Variants in RHOU observed in about 807,000 individuals in gnomAD.
RHOU encodes the protein ras homolog family member U, also known as rho-related GTP-binding protein RhoU.
In RHOU, 8 loss-of-function variants were observed where a neutral mutation model predicts 12.6. The ratio of observed to expected loss-of-function variants is 0.64; its 90% CI spans 0.37 to 1.15. The LOEUF is 1.15. Among genes scored for constraint, RHOU ranks in the 50% most tolerant of loss-of-function variants. The pLI is 0.01. For missense variants in RHOU, 258 were observed against 347.0 expected (o/e 0.74, Z 2.04); for synonymous variants, 161 against 147.4 (o/e 1.09, Z -0.67).
chr1:228,725,473 C>T, the RHOU span, among the ~76,000 whole-genome samples: 3 of 152,092 alleles, frequency 2.0e-5, no homozygotes, highest in Non-Finnish European at 2.9e-5. Context: ...CAACCCTGAG[C>T]ATCTCCCTTG....
chr1:228,717,794 T>C, the RHOU span, among the ~76,000 whole-genome samples: 1 of 152,204 alleles, frequency 6.6e-6, no homozygotes. Flanking sequence ...AGTTATGTGT[T>C]TCTGGACACA....
At chr1:228,693,931 A>G in the RHOU span, among the ~76,000 whole-genome samples, 3 of 152,350 alleles carry the variant, frequency 2.0e-5, no homozygotes, top group Non-Finnish European at 4.4e-5. Context: ...GAAAGAACAA[A>G]CTTTTCTATC....
the RHOU span, among the ~76,000 whole-genome samples, chr1:228,721,578 G>T: frequency 3.3e-5 from 5 of 152,200 alleles, no homozygotes; most frequent in African/African-American, 4.8e-5. Context: ...GATCCAGTGG[G>T]TGTGCTGGAC....
In RHOU at chr1:228,737,548, A is replaced by C; in HGVS notation, c.263-125A>C. The C allele has an allele frequency of 1.1e-6, 1 of 937,708 alleles. No individual in the cohort carries two copies. The highest frequency in any genetic ancestry group is 1.7e-6 in the Non-Finnish European group (1 of 589,764). 58.1% of individuals were successfully genotyped at this position (937,708 alleles called of 1,614,324 possible). On this transcript the variant is annotated intron_variant, in intron 1 of 2. Coordinates refer to ENST00000366691, the MANE Select transcript of RHOU (RefSeq NM_021205.6). The surrounding 1 kb of genome is among the most constrained non-coding windows in gnomAD (Gnocchi z 4.1). ...CTTGTTTTTGGCTAGTCTTTAATTC[A>C]TTAGAGGACCTAAAATAGGAGCAAA...
At chr1:228,673,902 T>C in the RHOU span, among the ~76,000 whole-genome samples, 1 of 152,264 alleles carries the variant, frequency 6.6e-6, no homozygotes, top group Non-Finnish European at 1.5e-5. Flanking sequence ...TGAGCGTATC[T>C]AGTGCTACAG....
At chr1:228,646,836 A>G in the RHOU span, among the ~76,000 whole-genome samples, 1 of 151,814 alleles carries the variant, frequency 6.6e-6, no homozygotes, top group African/African-American at 2.4e-5. Context: ...ACAGACACAC[A>G]CGGCTTGAAG....
At chr1:228,648,292 C>T in the RHOU span, among the ~76,000 whole-genome samples, 1 of 152,232 alleles carries the variant, frequency 6.6e-6, no homozygotes, top group Non-Finnish European at 1.5e-5. Flanking sequence ...ACCCTGTTTC[C>T]TCGCGGGAGT....
At chr1:228,732,452 T>C (rs1488845963), upstream of RHOU, among the ~76,000 whole-genome samples, 1 of 151,664 alleles carries the variant, frequency 6.6e-6, no homozygotes, top group African/African-American at 2.4e-5. Flanking sequence ...CAGTTCAACG[T>C]AAAAAGGGGT....
chr1:228,737,781 A>G lies in RHOU; in HGVS notation c.321+50A>G. ...GCTGGGAAAGGAAACAGCCTTTTAA[A>G]GATTTCCAAATAACCTTTGATTCCC... On this transcript the variant is annotated intron_variant, in intron 2 of 2. Coordinates refer to ENST00000366691, the MANE Select transcript of RHOU (RefSeq NM_021205.6). The surrounding 1 kb of genome is among the most constrained non-coding windows in gnomAD (Gnocchi z 4.1). 6.3e-7 allele frequency: 1 copy of G among 1,584,454 alleles called. No homozygotes were observed. Among genetic ancestry groups the G allele is most frequent in the Non-Finnish European group, 8.7e-7 (1 of 1,153,130 alleles).
At chr1:228,651,835 G>A in the RHOU span, among the ~76,000 whole-genome samples, 1 of 152,202 alleles carries the variant, frequency 6.6e-6, no homozygotes, top group Non-Finnish European at 1.5e-5. Flanking sequence ...GTTGCTTCAG[G>A]AAATAAGCTG....
upstream of RHOU, among the ~76,000 whole-genome samples, chr1:228,732,150 T>A (rs1229342244): frequency 6.6e-6 from 1 of 152,224 alleles, no homozygotes; most frequent in African/African-American, 2.4e-5. Flanking sequence ...AAACATGTTT[T>A]CCTTTCACTT....
the RHOU span, among the ~76,000 whole-genome samples, chr1:228,694,554 T>A: frequency 7.6e-4 from 116 of 152,286 alleles, no homozygotes; most frequent in Non-Finnish European, 1.2e-3. Context: ...CTCCCACTTA[T>A]AAGTAAGAAC....
At chr1:228,687,181 C>A in the RHOU span, among the ~76,000 whole-genome samples, 2 of 152,070 alleles carry the variant, frequency 1.3e-5, no homozygotes, top group Non-Finnish European at 2.9e-5. Context: ...CTGGCCCGCT[C>A]CACTGACCGG....
At chr1:228,721,682 C>T in the RHOU span, among the ~76,000 whole-genome samples, 6 of 152,282 alleles carry the variant, frequency 3.9e-5, no homozygotes, top group African/African-American at 7.2e-5. Context: ...TGTCTTGAGA[C>T]GGAGTTTCGC....
In RHOU at chr1:228,735,798, T is replaced by C; in HGVS notation, c.56T>C (p.Val19Ala). Residue 19 changes from valine (V) to alanine (A), a missense_variant, in exon 1 of 3, where the codon GTG becomes GCG. Coordinates refer to ENST00000366691, the MANE Select transcript of RHOU (RefSeq NM_021205.6). The surrounding 1 kb of genome is among the most constrained non-coding windows in gnomAD (Gnocchi z 8.1). ...AFPDRCEAPP[V>A]PPRRERGGRG... The stretch of plus-strand genomic sequence containing the variant: ...CCCGACCGCTGCGAGGCGCCTCCGG[T>C]GCCGCCGCGTCGGGAGCGCGGTGGA... The C allele has an allele frequency of 8.2e-7, 1 of 1,217,722 alleles. No individual in the cohort carries two copies. Among genetic ancestry groups the C allele is most frequent in the Non-Finnish European group, 1.0e-6 (1 of 980,254 alleles). 75.4% of individuals were successfully genotyped at this position (1,217,722 alleles called of 1,614,324 possible).
chr1:228,647,634 T>G, the RHOU span, among the ~76,000 whole-genome samples: 1 of 152,158 alleles, frequency 6.6e-6, no homozygotes, highest in Non-Finnish European at 1.5e-5. Flanking sequence ...GCCTGGTGGA[T>G]CCGGGAGCGG....
At position 228,745,129 on chromosome 1, in the gene RHOU, GC is replaced by G. The variant is rs1247120910; in HGVS notation, c.*1394del. The G allele has an allele frequency of 1.3e-5, 2 of 152,240 alleles. No homozygotes were observed. The highest frequency in any genetic ancestry group is 4.8e-5 in the African/African-American group (2 of 41,448). 9.4% of individuals were successfully genotyped at this position (152,240 alleles called of 1,614,324 possible). A position where few individuals can be genotyped will look rare whatever the true frequency, so the allele number is the denominator to read the frequency against. On this transcript the variant is annotated 3_prime_UTR_variant, in exon 3 of 3. Transcript: ENST00000366691. ...CAGCCAGGTGCATGCCGGGACCATG[GC>G]CCCCATACTTGGCTGCTTCCTGTGA...
At chr1:228,703,457 T>G in the RHOU span, among the ~76,000 whole-genome samples, 2 of 150,206 alleles carry the variant, frequency 1.3e-5, no homozygotes, top group Non-Finnish European at 2.9e-5. Context: ...ACCCGGGAGG[T>G]GATGGTTGCA....
chr1:228,681,466 A>G, the RHOU span, among the ~76,000 whole-genome samples: 26,884 of 151,930 alleles, frequency 0.18, 3,230 homozygotes, highest in African/African-American at 0.34. Context: ...ACTGGGGTTG[A>G]GACTGAAGGG....
Sources: allele counts gnomAD v4.1 joint callset (sites outside exome capture counted in the v4.1 genomes callset), GRCh38; gene constraint gnomAD v4.1.1; non-coding constraint Gnocchi (gnomAD v3.1); transcripts MANE v1.5; gene names NCBI Gene and HGNC (gene_info 2026-07-23, HGNC 2026-07-21).